The following LOC128706666 variants were observed in gnomAD, a reference collection of about 807,000 sequenced individuals.
chr20:10,415,632 A>G, the LOC128706666 span, among the ~76,000 whole-genome samples: 5 of 152,272 alleles, frequency 3.3e-5, no homozygotes, highest in Admixed American at 1.3e-4. Context: ...TCTGAGAAAT[A>G]CATTTAAATG....
chr20:10,427,081 A>ACACACACACACACACAC, the LOC128706666 span, among the ~76,000 whole-genome samples: 3 of 85,794 alleles, frequency 3.5e-5, no homozygotes, highest in Admixed American at 1.1e-4. Flanking sequence ...CACACACACA[A>ACACACACACACACACAC]AGTAAGGTTA....
the LOC128706666 span, among the ~76,000 whole-genome samples, chr20:10,428,596 G>A: frequency 6.6e-6 from 1 of 152,088 alleles, no homozygotes; most frequent in Non-Finnish European, 1.5e-5. Flanking sequence ...TCCAGCACTC[G>A]GGGAGGCTGA....
the LOC128706666 span, among the ~76,000 whole-genome samples, chr20:10,415,998 C>T: frequency 1.6e-3 from 241 of 152,178 alleles, 1 homozygote; most frequent in Middle Eastern, 0.014. Context: ...AAAAAAAAAC[C>T]AAACCACTGG....
At chr20:10,433,902 A>T in the LOC128706666 span, among the ~76,000 whole-genome samples, 26 of 152,258 alleles carry the variant, frequency 1.7e-4, no homozygotes, top group African/African-American at 5.8e-4. Flanking sequence ...TGCCGACCGC[A>T]ACATTTACCA....
At chr20:10,430,450 T>C in the LOC128706666 span, among the ~76,000 whole-genome samples, 7 of 152,326 alleles carry the variant, frequency 4.6e-5, no homozygotes, top group Admixed American at 3.9e-4. Context: ...TTGTTAGCTA[T>C]TATTATTTTG....
chr20:10,421,216 G>T, the LOC128706666 span, among the ~76,000 whole-genome samples: 1 of 152,128 alleles, frequency 6.6e-6, no homozygotes, highest in East Asian at 1.9e-4. Context: ...GATTGCCTGA[G>T]GTCAGGAGTT....
chr20:10,433,274 G>A, the LOC128706666 span, among the ~76,000 whole-genome samples: 1 of 152,194 alleles, frequency 6.6e-6, no homozygotes, highest in Non-Finnish European at 1.5e-5. Context: ...TAAAGTGCGG[G>A]GTTACAGGGG....
chr20:10,421,523 G>A, the LOC128706666 span, among the ~76,000 whole-genome samples: 10 of 152,044 alleles, frequency 6.6e-5, no homozygotes, highest in Admixed American at 2.0e-4. Context: ...CTGACAGGAT[G>A]TAGTGATAGT....
chr20:10,430,138 A>G, the LOC128706666 span, among the ~76,000 whole-genome samples: 2 of 152,374 alleles, frequency 1.3e-5, no homozygotes, highest in South Asian at 4.1e-4. Context: ...TTCTTAGTAC[A>G]GCAGAAAGAA....
chr20:10,426,903 T>G, the LOC128706666 span, among the ~76,000 whole-genome samples: 1 of 152,158 alleles, frequency 6.6e-6, no homozygotes, highest in Non-Finnish European at 1.5e-5. Flanking sequence ...TTCTTTAATT[T>G]AGTTCTCAGT....
chr20:10,431,097 G>A, the LOC128706666 span, among the ~76,000 whole-genome samples: 1 of 152,130 alleles, frequency 6.6e-6, no homozygotes, highest in Admixed American at 6.5e-5. Context: ...CTAGCATGTG[G>A]GAAGTGCTCA....
chr20:10,428,778 A>T, the LOC128706666 span, among the ~76,000 whole-genome samples: 3 of 152,188 alleles, frequency 2.0e-5, no homozygotes, highest in African/African-American at 7.2e-5. Context: ...GGCAGAGGTT[A>T]CATTACAGTG....
the LOC128706666 span, among the ~76,000 whole-genome samples, chr20:10,421,228 G>A: frequency 6.6e-6 from 1 of 152,054 alleles, no homozygotes; most frequent in Admixed American, 6.6e-5. Flanking sequence ...TCAGGAGTTC[G>A]AGACCAGCCT....
the LOC128706666 span, among the ~76,000 whole-genome samples, chr20:10,427,287 C>T: frequency 3.9e-5 from 6 of 152,208 alleles, no homozygotes; most frequent in African/African-American, 1.2e-4. Flanking sequence ...GCTTGCTGGG[C>T]GCCATCTGCT....
chr20:10,418,412 T>C, the LOC128706666 span, among the ~76,000 whole-genome samples: 2 of 152,206 alleles, frequency 1.3e-5, no homozygotes, highest in African/African-American at 2.4e-5. Context: ...TAATTTTCCA[T>C]AATGAAAATA....
the LOC128706666 span, among the ~76,000 whole-genome samples, chr20:10,416,880 G>A: frequency 1.3e-5 from 2 of 152,172 alleles, no homozygotes; most frequent in African/African-American, 4.8e-5. Flanking sequence ...TTTGTGTACT[G>A]TGTATGAGTG....
the LOC128706666 span, among the ~76,000 whole-genome samples, chr20:10,426,425 T>G: frequency 6.6e-6 from 1 of 152,206 alleles, no homozygotes; most frequent in African/African-American, 2.4e-5. Context: ...TTTCTTTTTT[T>G]GGGACAGTCT....
At chr20:10,420,312 CT>C in the LOC128706666 span, among the ~76,000 whole-genome samples, 1 of 152,174 alleles carries the variant, frequency 6.6e-6, no homozygotes, top group South Asian at 2.1e-4. Flanking sequence ...TGCTCTTTCC[CT>C]TTGCATTCAA....
chr20:10,423,362 C>A, the LOC128706666 span, among the ~76,000 whole-genome samples: 7 of 152,094 alleles, frequency 4.6e-5, no homozygotes, highest in South Asian at 2.1e-4. Context: ...GCTGAGGCTG[C>A]GGTGAGCTGA....
Sources: gnomAD v4.1 joint callset for allele counts (sites outside exome capture counted in the v4.1 genomes callset) on GRCh38, gnomAD v4.1.1 for gene constraint, MANE v1.5 for transcripts.